DOCK2: variants seen among roughly 807,000 people sequenced by gnomAD.
DOCK2 encodes dedicator of cytokinesis protein 2.
Under a neutral mutation model 248.9 loss-of-function variants are expected in DOCK2, and 87 were observed. That is an observed-to-expected ratio of 0.35 (90% confidence interval 0.29 to 0.42). DOCK2 has a LOEUF of 0.42. Among genes scored for constraint, DOCK2 ranks in the 10% least tolerant of loss-of-function variants. The pLI is 1.00. For synonymous variants in DOCK2, 805 were observed against 821.6 expected (o/e 0.98, Z 0.35); for missense variants, 1,747 against 2,300.2 (o/e 0.76, Z 4.92).
chr5:169,787,891 T>C (rs1429201580), intron 25 of DOCK2, among the ~76,000 whole-genome samples: 1 of 152,056 alleles, frequency 6.6e-6, no homozygotes, highest in African/African-American at 2.4e-5. Context: ...CAAATAAAAT[T>C]AAGAAGCCAC....
At chr5:169,804,437 A>AGT (rs55660700) in intron 26 of DOCK2, among the ~76,000 whole-genome samples, 3,022 of 134,538 alleles carry the variant, frequency 0.022, 46 homozygotes, top group African/African-American at 0.03. Context: ...AGAGCTACAA[A>AGT]GTGTGTGTGT....
chr5:169,811,084 T>C (rs546155514), intron 26 of DOCK2, among the ~76,000 whole-genome samples: 1 of 151,978 alleles, frequency 6.6e-6, no homozygotes, highest in Admixed American at 6.6e-5. Flanking sequence ...GCATCTTAGC[T>C]GTGTTAGAAT....
chr5:169,992,879 G>C (rs1778245115), intron 29 of DOCK2, among the ~76,000 whole-genome samples: 1 of 152,184 alleles, frequency 6.6e-6, no homozygotes, highest in Admixed American at 6.5e-5. Flanking sequence ...GTGTGGCTAT[G>C]AAAGACTCTA....
intron 25 of DOCK2, among the ~76,000 whole-genome samples, chr5:169,769,051 A>G (rs188254354): frequency 1.3e-5 from 2 of 152,300 alleles, no homozygotes; most frequent in Non-Finnish European, 2.9e-5. Context: ...CGAGTTTGCA[A>G]ACTTCTGCAC....
chr5:169,847,984 G>A (rs1770412169), intron 27 of DOCK2, among the ~76,000 whole-genome samples: 1 of 152,218 alleles, frequency 6.6e-6, no homozygotes, highest in East Asian at 1.9e-4. Context: ...TATAAAAGCA[G>A]AAGAGTAATG....
chr5:169,821,584 A>C (rs2113237528), intron 26 of DOCK2, among the ~76,000 whole-genome samples: 1 of 152,326 alleles, frequency 6.6e-6, no homozygotes, highest in African/African-American at 2.4e-5. Flanking sequence ...AGATTTTGTC[A>C]CTGCCAGGCC....
At chr5:169,864,979 G>A (rs1271720087) in intron 27 of DOCK2, among the ~76,000 whole-genome samples, 1 of 152,132 alleles carries the variant, frequency 6.6e-6, no homozygotes. Context: ...TAAGTCCTCC[G>A]TATGTGTTAG....
intron 27 of DOCK2, among the ~76,000 whole-genome samples, chr5:169,970,590 G>T (rs1327996394): frequency 6.6e-6 from 1 of 152,200 alleles, no homozygotes; most frequent in East Asian, 1.9e-4. Flanking sequence ...CATCTGTGCT[G>T]CAGGGAGGCT....
chr5:169,704,964 C>T (rs1383707717), intron 14 of DOCK2, among the ~76,000 whole-genome samples: 2 of 152,182 alleles, frequency 1.3e-5, no homozygotes, highest in Non-Finnish European at 2.9e-5. Context: ...GAGTTTGAGA[C>T]CAGCCTGGCC....
At chr5:170,054,029 G>A (rs953298685) in intron 41 of DOCK2, among the ~76,000 whole-genome samples, 1 of 127,450 alleles carries the variant, frequency 7.8e-6, no homozygotes, top group African/African-American at 3.8e-5. Context: ...ACTCCTAACT[G>A]GGGGGTGAAT....
At chr5:169,803,899 A>G (rs983097498) in intron 26 of DOCK2, among the ~76,000 whole-genome samples, 1 of 152,174 alleles carries the variant, frequency 6.6e-6, no homozygotes, top group Non-Finnish European at 1.5e-5. Flanking sequence ...ATTCTTAAGC[A>G]TTGGAAGATG....
At chr5:170,041,016 C>G (rs760043075) in intron 36 of DOCK2, 39 bp from the exon 37 acceptor site, 14 of 1,580,440 alleles carry the variant, frequency 8.9e-6, no homozygotes, top group Admixed American at 5.0e-5. Flanking sequence ...CTCCTTTTCA[C>G]TGCACCTGGT....
chr5:169,681,413 C>T (rs1256099018), intron 6 of DOCK2, among the ~76,000 whole-genome samples: 1 of 150,916 alleles, frequency 6.6e-6, no homozygotes, highest in Non-Finnish European at 1.5e-5. Context: ...CGTGAGTCAC[C>T]GTACCCAGCT....
Position 169,747,494 on chromosome 5 carries a change from T to C in DOCK2, c.2366T>C (p.Ile789Thr), listed in dbSNP as rs771008549. The C allele has an allele frequency of 6.2e-7, 1 of 1,612,780 alleles. No individual in the cohort carries two copies. Among genetic ancestry groups the C allele is most frequent in the Non-Finnish European group, 8.5e-7 (1 of 1,179,430 alleles). Residue 789 changes from isoleucine to threonine, a missense_variant, in exon 23 of 52, where the codon ATC (isoleucine) becomes ACC (threonine). Around this residue, in one of 4 missense-constraint regions of DOCK2, gnomAD observed 858 missense variants for 1,183.5 expected, o/e 0.72. Coordinates refer to ENST00000520908, the MANE Select transcript of DOCK2 (RefSeq NM_004946.3). ...NLMKSQYKTT[I>T]LLQVAALKYI... ...ATGAAAAGTCAATACAAAACTACCA[T>C]CCTTTTGCAGGTTGGTTTATGCTAC...
intron 27 of DOCK2, among the ~76,000 whole-genome samples, chr5:169,860,632 C>T (rs1472937725): frequency 6.6e-6 from 1 of 152,182 alleles, no homozygotes; most frequent in East Asian, 1.9e-4. Flanking sequence ...GTGGGAGACT[C>T]ACTCTCCAGG....
intron 23 of DOCK2, among the ~76,000 whole-genome samples, chr5:169,749,118 T>G (rs1254593524): frequency 6.6e-6 from 1 of 152,220 alleles, no homozygotes; most frequent in Non-Finnish European, 1.5e-5. Context: ...TGGTACTGCT[T>G]TCCATATTTG....
intron 20 of DOCK2, among the ~76,000 whole-genome samples, chr5:169,716,757 T>G (rs1315893745): frequency 6.6e-6 from 1 of 152,240 alleles, no homozygotes; most frequent in East Asian, 1.9e-4. Context: ...CATCCAGATC[T>G]TCCTTCTTTT....
intron 23 of DOCK2, among the ~76,000 whole-genome samples, chr5:169,754,229 T>A (rs1016529113): frequency 6.6e-6 from 1 of 152,212 alleles, no homozygotes; most frequent in Non-Finnish European, 1.5e-5. Flanking sequence ...TGATTTTTGT[T>A]GTTATGTTTA....
intron 27 of DOCK2, among the ~76,000 whole-genome samples, chr5:169,900,936 C>T (rs540059938): frequency 6.6e-6 from 1 of 152,286 alleles, no homozygotes; most frequent in East Asian, 1.9e-4. Context: ...TGAGATACAA[C>T]TGGTGTACCA....
Sources: allele counts gnomAD v4.1 joint callset (sites outside exome capture counted in the v4.1 genomes callset), GRCh38; gene constraint gnomAD v4.1.1; regional missense constraint gnomAD v4.1.1; transcripts MANE v1.5; gene names NCBI Gene and HGNC (gene_info 2026-07-23, HGNC 2026-07-21).